The following EPB41L4A variants were observed in gnomAD, a reference collection of about 807,000 sequenced individuals.
The protein encoded by EPB41L4A is band 4.1-like protein 4A.
In EPB41L4A, 100 loss-of-function variants were observed where a neutral mutation model predicts 108.6. That is an observed-to-expected ratio of 0.92 (90% confidence interval 0.78 to 1.09). The LOEUF (loss-of-function observed/expected upper bound fraction) is 1.09, where lower values mean the gene tolerates loss of function less well. Ranked by LOEUF, EPB41L4A falls within the 50% of genes least tolerant of loss-of-function variation. EPB41L4A has a pLI of 0.00. For missense variants in EPB41L4A, 1,030 were observed against 842.7 expected (o/e 1.22, Z -2.75); for synonymous variants, 319 against 289.0 (o/e 1.10, Z -1.05).
chr5:112,271,421 T>C (rs1752257181), intron 4 of EPB41L4A, among the ~76,000 whole-genome samples: 1 of 152,242 alleles, frequency 6.6e-6, no homozygotes, highest in Admixed American at 6.5e-5. Context: ...GCAAGTACAC[T>C]CTTACATATT....
At chr5:112,280,427 G>T in intron 2 of EPB41L4A, 104 bp from the exon 3 acceptor site, 1 of 1,087,300 alleles carries the variant, frequency 9.2e-7, no homozygotes. Context: ...TTTAAAACTT[G>T]GTCAGTTAAA....
intron 4 of EPB41L4A, among the ~76,000 whole-genome samples, chr5:112,274,582 G>T (rs571896503): frequency 6.6e-6 from 1 of 152,120 alleles, no homozygotes; most frequent in Admixed American, 6.5e-5. Flanking sequence ...GAGGTATTAG[G>T]CTTTATTTTA....
intron 1 of EPB41L4A, among the ~76,000 whole-genome samples, chr5:112,367,566 G>A (rs1580771117): frequency 6.6e-6 from 1 of 152,206 alleles, no homozygotes; most frequent in Non-Finnish European, 1.5e-5. Flanking sequence ...ATCTGGCAGG[G>A]CTCCATGACC....
intron 9 of EPB41L4A, among the ~76,000 whole-genome samples, chr5:112,245,540 C>T (rs1750143284): frequency 6.6e-6 from 1 of 152,136 alleles, no homozygotes; most frequent in Admixed American, 6.5e-5. Context: ...ATTCCAAAAC[C>T]TTGTCTGGTA....
rs1561446619 is a variant in EPB41L4A, at chr5:112,170,940, C to G, written c.1670+5G>C. The G allele has an allele frequency of 6.2e-7, 1 of 1,612,200 alleles. No homozygotes were observed. Among genetic ancestry groups the G allele is most frequent in the Non-Finnish European group, 8.5e-7 (1 of 1,178,466 alleles). Reference sequence around the variant, plus strand: ...AAAACAATAAGAAAGAAAACTATTACTCACTGAATGTGCTTCCATAACTCT... The same window carrying G: ...AAAACAATAAGAAAGAAAACTATTAGTCACTGAATGTGCTTCCATAACTCT... On this transcript the variant is annotated splice_donor_5th_base_variant and intron_variant, in intron 19 of 22. Coordinates refer to ENST00000261486, the MANE Select transcript of EPB41L4A (RefSeq NM_022140.5).
chr5:112,295,919 A>ATC (rs1753957852), intron 2 of EPB41L4A, among the ~76,000 whole-genome samples: 1 of 152,212 alleles, frequency 6.6e-6, no homozygotes, highest in Non-Finnish European at 1.5e-5. Flanking sequence ...AAGCAGACCT[A>ATC]TCTTATCTAG....
chr5:112,142,606 A>G (rs1249075152), exon 14 of EPB41L4A: 1 of 152,250 alleles, frequency 6.6e-6, no homozygotes, highest in Non-Finnish European at 1.5e-5. Flanking sequence ...GATTTATTTT[A>G]GAAACTAATT....
chr5:112,395,982 A>G (rs1461918072), intron 1 of EPB41L4A, among the ~76,000 whole-genome samples: 1 of 152,216 alleles, frequency 6.6e-6, no homozygotes, highest in Admixed American at 6.5e-5. Flanking sequence ...CATCATTCTG[A>G]GCAAAATGTC....
At chr5:112,417,984 C>T (rs1762806980) in intron 1 of EPB41L4A, among the ~76,000 whole-genome samples, 1 of 152,138 alleles carries the variant, frequency 6.6e-6, no homozygotes, top group Non-Finnish European at 1.5e-5. Context: ...GATGAAGCGA[C>T]TAAGAGAGGA....
chr5:112,175,613 G>T (rs1760820561), intron 18 of EPB41L4A: 1 of 151,972 alleles, frequency 6.6e-6, no homozygotes, highest in South Asian at 2.1e-4. Flanking sequence ...GTAATGGAGA[G>T]ATCAGTGGTT....
chr5:112,258,501 T>C (rs555837406), intron 9 of EPB41L4A, among the ~76,000 whole-genome samples: 141 of 152,354 alleles, frequency 9.3e-4, no homozygotes, highest in African/African-American at 3.2e-3. Context: ...TAAATATGGA[T>C]TAAACATCTT....
intron 1 of EPB41L4A, among the ~76,000 whole-genome samples, chr5:112,326,039 A>G (rs1209713933): frequency 6.6e-6 from 1 of 152,106 alleles, no homozygotes; most frequent in Non-Finnish European, 1.5e-5. Flanking sequence ...ATTTCCAGCT[A>G]CTTGGGAGGC....
At chr5:112,295,084 T>C (rs972421484) in intron 2 of EPB41L4A, among the ~76,000 whole-genome samples, 1 of 152,218 alleles carries the variant, frequency 6.6e-6, no homozygotes, top group Non-Finnish European at 1.5e-5. Flanking sequence ...GGTGAATAGA[T>C]GACCACAAGT....
At chr5:112,271,442 T>C (rs1244234613) in intron 4 of EPB41L4A, among the ~76,000 whole-genome samples, 1 of 152,232 alleles carries the variant, frequency 6.6e-6, no homozygotes, top group Non-Finnish European at 1.5e-5. Flanking sequence ...CCTCCAAGCA[T>C]CTTTTTGAAG....
chr5:112,146,032 C>A, intron 12 of EPB41L4A: 1 of 455,200 alleles, frequency 2.2e-6, no homozygotes, highest in Non-Finnish European at 4.4e-6. Context: ...TGACAAGTGT[C>A]AAACCCAATC....
At chr5:112,213,539 G>A (rs1747389404) in intron 12 of EPB41L4A, among the ~76,000 whole-genome samples, 1 of 151,970 alleles carries the variant, frequency 6.6e-6, no homozygotes, top group African/African-American at 2.4e-5. Context: ...AGTAGAGATG[G>A]GGTTTCACCA....
At chr5:112,347,084 T>A (rs1757728373) in intron 1 of EPB41L4A, among the ~76,000 whole-genome samples, 1 of 152,206 alleles carries the variant, frequency 6.6e-6, no homozygotes. Flanking sequence ...TACACAAAAT[T>A]CTGTGAGGAA....
intron 9 of EPB41L4A, among the ~76,000 whole-genome samples, chr5:112,248,643 A>C (rs997342589): frequency 6.6e-6 from 1 of 152,086 alleles, no homozygotes; most frequent in African/African-American, 2.4e-5. Context: ...TATATCAGCA[A>C]ATTTCCAACC....
At chr5:112,200,194 A>G (rs1279270392) in intron 15 of EPB41L4A, among the ~76,000 whole-genome samples, 3 of 152,122 alleles carry the variant, frequency 2.0e-5, no homozygotes, top group Non-Finnish European at 2.9e-5. Context: ...GCTTTTGCAC[A>G]TGCTAGCCCC....
Sources: gnomAD v4.1 joint callset for allele counts (sites outside exome capture counted in the v4.1 genomes callset) on GRCh38, gnomAD v4.1.1 for gene constraint, MANE v1.5 for transcripts, NCBI Gene and HGNC (gene_info 2026-07-23, HGNC 2026-07-21) for gene names.